ARHGAP23: variants seen among roughly 807,000 people sequenced by gnomAD.
The protein encoded by ARHGAP23 is Rho GTPase activating protein 23.
A neutral mutation model predicts 136.3 loss-of-function variants in ARHGAP23; 34 were observed. The ratio of observed to expected loss-of-function variants is 0.25; its 90% CI spans 0.19 to 0.33. The LOEUF (loss-of-function observed/expected upper bound fraction) is 0.33. ARHGAP23 is among the 10% of genes least tolerant of loss of function. The pLI, the probability that ARHGAP23 is intolerant of heterozygous loss-of-function variation, is 1.00. For missense variants in ARHGAP23, 1,808 were observed against 2,139.0 expected (o/e 0.85, Z 3.05); for synonymous variants, 832 against 920.5 (o/e 0.90, Z 1.74).
rs761606970 is a variant in ARHGAP23, at chr17:38,510,383, G to A, written c.3887G>A (p.Gly1296Glu). 741 of 1,243,358 alleles carry A rather than the reference G, an allele frequency of 6.0e-4. 1 individual carries two copies. The highest frequency in any genetic ancestry group is 6.8e-4 in the Non-Finnish European group (672 of 995,056). The allele number at this position is 1,243,358 out of a possible 1,614,324, so 77.0% of individuals were successfully genotyped here. ...GACACTGAGGGCGCGGCGGGCGCGGGGCCTGGGGGGCGCCTGACACGCCGG... is the reference window on the plus strand; with the variant it reads ...GACACTGAGGGCGCGGCGGGCGCGGAGCCTGGGGGGCGCCTGACACGCCGG... ...ETDTEGAAGAGPGGRLTRRPS... is the reference protein window; with the variant it reads ...ETDTEGAAGAEPGGRLTRRPS... Residue 1296 changes from glycine to glutamate, a missense_variant, in exon 24 of 24, where the codon GGG (glycine) becomes GAG (glutamate). Gly to Glu is a moderately conservative substitution (Grantham distance 98). This residue lies in a region of ARHGAP23 where 506 missense variants were observed against 455.8 expected (regional missense o/e 1.11). Transcript: ENST00000622683. The surrounding 1 kb of genome is among the most constrained non-coding windows in gnomAD (Gnocchi z 4.6).
intron 1 of ARHGAP23, among the ~76,000 whole-genome samples, chr17:38,429,093 C>A (rs2038630149): frequency 6.6e-6 from 1 of 152,234 alleles, no homozygotes; most frequent in Non-Finnish European, 1.5e-5. Flanking sequence ...AGGCGCGGTT[C>A]CGCCGCCCTC....
At chr17:38,482,501 C>T in intron 15 of ARHGAP23, 22 bp from the exon 16 acceptor site, 26 of 1,527,346 alleles carry the variant, frequency 1.7e-5, no homozygotes, top group Non-Finnish European at 2.1e-5. Flanking sequence ...TCCCCCCTAA[C>T]ACCCCTCCCA....
chr17:38,463,343 G>A lies in ARHGAP23; in HGVS notation c.444G>A (p.Glu148=), dbSNP rs2039506552. The A allele has an allele frequency of 6.4e-7, 1 of 1,551,592 alleles. No individual in the cohort carries two copies. Among genetic ancestry groups the A allele is most frequent in the Admixed American group, 2.0e-5 (1 of 50,982 alleles). The change falls in exon 6 of 24, where the codon GAG becomes GAA. Residue 148 remains glutamate (E), a synonymous_variant. Transcript: ENST00000622683. ...GTCTCTGTAGTGATGACACTCTGGAGCTGTCTATCATGCCCAAGGACGAGG... is the reference window on the plus strand; with the variant it reads ...GTCTCTGTAGTGATGACACTCTGGAACTGTCTATCATGCCCAAGGACGAGG... ...ALIQNSDDTL[E]LSIMPKDEDI...
In ARHGAP23 at chr17:38,466,317, A is replaced by G. The variant is rs1456018923; in HGVS notation, c.634A>G (p.Thr212Ala). ...CAGGGCCACTATGGTGCCTGAGCCC[A>G]CCTCAGCACTGCCCAGTGACCCCCG... The part of the protein sequence containing the change: ...STRATMVPEP[T>A]SALPSDPRSP... Residue 212 changes from threonine (T) to alanine (A), a missense_variant, in exon 7 of 24, where the codon ACC (threonine) becomes GCC (alanine). By Grantham distance (58) the Thr-to-Ala change is moderately conservative. Around this residue, in one of 7 missense-constraint regions of ARHGAP23, gnomAD observed 859 missense variants for 936.4 expected, o/e 0.92. Transcript: ENST00000622683. 50 of 1,545,132 alleles carry G rather than the reference A, an allele frequency of 3.2e-5. No individual in the cohort carries two copies. The highest frequency in any genetic ancestry group is 3.8e-5 in the Non-Finnish European group (44 of 1,146,594).
rs919378973 is a variant in ARHGAP23, at chr17:38,497,214, CTT to C, written c.3277-570_3277-569del. On this transcript the variant is annotated intron_variant, in intron 20 of 23. Coordinates refer to ENST00000622683, the MANE Select transcript of ARHGAP23 (RefSeq NM_001199417.2). ...AACTGTGGGGGTCTTTATTTTCTCT[CTT>C]GTTTGGCCTTTATGAGAAAGCTCTC... Among the ~76,000 whole-genome samples, 21 of 152,246 alleles carry C rather than the reference CTT, an allele frequency of 1.4e-4. No individual in the cohort carries two copies. The East Asian group carries it at 1.9e-3, about 14-fold the overall frequency.
In ARHGAP23 at chr17:38,510,484, G is replaced by A. The variant is rs2040734624; in HGVS notation, c.3988G>A (p.Gly1330Ser). Reference sequence around the variant, plus strand: ...CCGCCTGGCCCGGGGCCGCCCAGACGGCGAGGGCGCGGGCCGGGGCGGTCC... The same window carrying A: ...CCGCCTGGCCCGGGGCCGCCCAGACAGCGAGGGCGCGGGCCGGGGCGGTCC... ...RRRLARGRPD[G>S]EGAGRGGPRA... Residue 1330 changes from glycine to serine, a missense_variant, in exon 24 of 24, where the codon GGC becomes AGC. By Grantham distance (56) the Gly-to-Ser change is moderately conservative. Around this residue, in one of 7 missense-constraint regions of ARHGAP23, gnomAD observed 506 missense variants for 455.8 expected, o/e 1.11. Coordinates refer to ENST00000622683, the MANE Select transcript of ARHGAP23 (RefSeq NM_001199417.2). The surrounding 1 kb of genome is among the most constrained non-coding windows in gnomAD (Gnocchi z 4.6). The A allele has an allele frequency of 1.7e-6, 2 of 1,183,778 alleles. No individual in the cohort carries two copies. The highest frequency in any genetic ancestry group is 4.2e-5 in the South Asian group (1 of 23,922). The allele number at this position is 1,183,778 out of a possible 1,614,324, so 73.3% of individuals were successfully genotyped here.
At chr17:38,422,778 T>TGGGATTCTTCTCAC (rs1473005024) in intron 1 of ARHGAP23, among the ~76,000 whole-genome samples, 5 of 152,100 alleles carry the variant, frequency 3.3e-5, no homozygotes, top group Admixed American at 6.5e-5. Flanking sequence ...GGTGTTCAGG[T>TGGGATTCTTCTCAC]GGGATTCTTC....
chr17:38,460,804 G>A, intron 2 of ARHGAP23, 101 bp from the exon 3 acceptor site: 1 of 1,534,878 alleles, frequency 6.5e-7, no homozygotes, highest in Non-Finnish European at 8.7e-7. Flanking sequence ...AGGAGATAAG[G>A]GGTGGCGGGA....
At position 38,504,978 on chromosome 17, in the gene ARHGAP23, C is replaced by CTTTTTT. The variant is rs71138627; in HGVS notation, c.3447+4390_3447+4395dup. Among the ~76,000 whole-genome samples, 47 of 43,170 alleles carry CTTTTTT rather than the reference C, an allele frequency of 1.1e-3. 11 individuals carry two copies. The highest frequency in any genetic ancestry group is 1.9e-3 in the Non-Finnish European group (39 of 20,290). The allele number at this position is 43,170 out of a possible 152,430, so 28.3% of individuals were successfully genotyped here. On this transcript the variant is annotated intron_variant, in intron 23 of 23. Transcript: ENST00000622683. ...ATTACTCAGAAGCCTCCCTTATCATCTTTTTTTTTTTTTTTTTTTTTTTTT... is the reference window on the plus strand; with the variant it reads ...ATTACTCAGAAGCCTCCCTTATCATCTTTTTTTTTTTTTTTTTTTTTTTTTTTTTTT...
Position 38,472,022 on chromosome 17 carries a change from G to T in ARHGAP23, c.2118+16G>T. ...GAAGGGGAAGGTAAGATGGGTGGAG[G>T]AATGAGGTGGAAGCTGGCTCCAGCA... On this transcript the variant is annotated intron_variant, in intron 11 of 23. Coordinates refer to ENST00000622683, the MANE Select transcript of ARHGAP23 (RefSeq NM_001199417.2). 6.5e-7 allele frequency: 1 copy of T among 1,539,058 alleles called. No individual in the cohort carries two copies. Among genetic ancestry groups the T allele is most frequent in the South Asian group, 1.2e-5 (1 of 82,146 alleles).
At chr17:38,429,132 GCCCAGGAC>G (rs1293711668) in intron 1 of ARHGAP23, among the ~76,000 whole-genome samples, 3 of 152,234 alleles carry the variant, frequency 2.0e-5, no homozygotes, top group African/African-American at 7.2e-5. Context: ...CTAGACACAG[GCCCAGGAC>G]CCCGGGCTCT....
At chr17:38,442,382 C>T (rs1644415517) in intron 1 of ARHGAP23, among the ~76,000 whole-genome samples, 1 of 152,200 alleles carries the variant, frequency 6.6e-6, no homozygotes, top group Non-Finnish European at 1.5e-5. Context: ...CTGGTTACCT[C>T]TAACTCTCTG....
chr17:38,450,010 A>G (rs2039124967), intron 1 of ARHGAP23, among the ~76,000 whole-genome samples: 1 of 152,176 alleles, frequency 6.6e-6, no homozygotes, highest in South Asian at 2.1e-4. Context: ...CCTCCAGTCC[A>G]GACCATCCTC....
intron 1 of ARHGAP23, among the ~76,000 whole-genome samples, chr17:38,439,878 G>A (rs897224881): frequency 6.7e-6 from 1 of 149,930 alleles, no homozygotes; most frequent in African/African-American, 2.5e-5. Flanking sequence ...AGGTTCAAGC[G>A]ATTCTCCTGC....
chr17:38,466,731 C>T lies in ARHGAP23; in HGVS notation c.1048C>T (p.Arg350Cys), dbSNP rs887214066. ...QLGQEGWHRARSDDYLSRATR... is the reference protein window; with the variant it reads ...QLGQEGWHRACSDDYLSRATR... The stretch of plus-strand genomic sequence containing the variant: ...GGGCCAGGAGGGCTGGCACCGAGCT[C>T]GCTCAGATGACTACTTGAGCCGGGC... Residue 350 changes from arginine (R) to cysteine (C), a missense_variant, in exon 7 of 24, where the codon CGC becomes TGC. Transcript: ENST00000622683. The T allele has an allele frequency of 1.0e-5, 16 of 1,544,460 alleles. No individual in the cohort carries two copies. Among genetic ancestry groups the T allele is most frequent in the African/African-American group, 5.5e-5 (4 of 72,946 alleles).
intron 18 of ARHGAP23, 74 bp downstream of exon 18, chr17:38,490,249 G>T: frequency 2.8e-6 from 4 of 1,435,352 alleles, no homozygotes; most frequent in Non-Finnish European, 2.9e-6. Context: ...GAGGCAGGGA[G>T]TCCGGTGCTG....
chr17:38,509,192 G>A (rs1251637141), intron 23 of ARHGAP23, among the ~76,000 whole-genome samples: 1 of 152,150 alleles, frequency 6.6e-6, no homozygotes, highest in Non-Finnish European at 1.5e-5. Context: ...AACACCACAG[G>A]GTGTAGCAGT....
chr17:38,455,181 G>A (rs2039294022), intron 1 of ARHGAP23, among the ~76,000 whole-genome samples: 1 of 152,232 alleles, frequency 6.6e-6, no homozygotes. Context: ...GGGAGGAGAG[G>A]AAACATGCAT....
At chr17:38,448,837 G>C (rs1420711519) in intron 1 of ARHGAP23, among the ~76,000 whole-genome samples, 2 of 146,056 alleles carry the variant, frequency 1.4e-5, no homozygotes, top group South Asian at 2.1e-4. Flanking sequence ...GTAGAGATGG[G>C]GTCTTGCCAA....
Sources: gnomAD v4.1 joint callset for allele counts (sites outside exome capture counted in the v4.1 genomes callset) on GRCh38, gnomAD v4.1.1 for gene constraint, gnomAD v4.1.1 regional missense constraint, Gnocchi (gnomAD v3.1) non-coding constraint, MANE v1.5 for transcripts, NCBI Gene and HGNC (gene_info 2026-07-23, HGNC 2026-07-21) for gene names.